The following GRHL1 variants were observed in gnomAD, a reference collection of about 807,000 sequenced individuals.
GRHL1 encodes the protein grainyhead like transcription factor 1.
In GRHL1, 38 loss-of-function variants were observed where a neutral mutation model predicts 75.7. The observed-to-expected ratio is 0.50, with a 90% CI of 0.39 to 0.66. The LOEUF (loss-of-function observed/expected upper bound fraction) is 0.66. Among genes scored for constraint, GRHL1 ranks in the 30% least tolerant of loss-of-function variants. The probability of loss-of-function intolerance (pLI) is 0.00; values close to 1 mark genes in which losing one functional copy is unlikely to be tolerated. For missense variants in GRHL1, 589 were observed against 767.5 expected, an observed-to-expected ratio of 0.77 and a Z score of 2.75; for synonymous variants, 266 against 279.4, an observed-to-expected ratio of 0.95 and a Z score of 0.48.
intron 15 of GRHL1, 38 bp downstream of exon 15, chr2:9,999,067 C>A: frequency 8.9e-7 from 1 of 1,129,524 alleles, no homozygotes; most frequent in Non-Finnish European, 1.3e-6. Context: ...TCGGAAAGTG[C>A]TGATGCCCCC....
At chr2:9,979,401 A>G (rs1480115546) in intron 8 of GRHL1, among the ~76,000 whole-genome samples, 1 of 151,774 alleles carries the variant, frequency 6.6e-6, no homozygotes, top group African/African-American at 2.4e-5. Flanking sequence ...TGCCCAGCTA[A>G]TTTATTTTAT....
chr2:9,981,112 G>A (rs971198050), intron 8 of GRHL1, among the ~76,000 whole-genome samples: 10 of 152,208 alleles, frequency 6.6e-5, no homozygotes, highest in Non-Finnish European at 1.3e-4. Flanking sequence ...GCTCTGGCTT[G>A]TGTTTCTACA....
At chr2:9,997,670 A>G (rs796363409) in intron 14 of GRHL1, among the ~76,000 whole-genome samples, 21 of 152,012 alleles carry the variant, frequency 1.4e-4, no homozygotes, top group African/African-American at 4.1e-4. Context: ...AAAAATACAA[A>G]AAATTAGCCA....
chr2:9,975,604 G>A (rs576946575), intron 8 of GRHL1, among the ~76,000 whole-genome samples: 99 of 152,238 alleles, frequency 6.5e-4, no homozygotes, highest in African/African-American at 2.2e-3. Flanking sequence ...CAGGCCGGGC[G>A]CGGTGGCTCT....
rs1487647745 is a variant in GRHL1 at position 9,992,334 on chromosome 2, C to A, written c.1461+188C>A. 6.6e-6 allele frequency among the ~76,000 whole-genome samples: 1 copy of A among 152,210 alleles called. No homozygotes were observed. The highest frequency in any genetic ancestry group is 1.5e-5 in the Non-Finnish European group (1 of 68,034). On this transcript the variant is annotated intron_variant, in intron 11 of 15. Transcript: ENST00000324907. The surrounding 1 kb of genome is among the most constrained non-coding windows in gnomAD (Gnocchi z 4.6). ...TAAAAATGGTAAGCATCGCTGATTT[C>A]AAGGTGCAGTGCAGCCTGTCAGCTT...
intron 5 of GRHL1, among the ~76,000 whole-genome samples, chr2:9,962,745 G>C (rs1043008953): frequency 5.9e-5 from 9 of 151,934 alleles, no homozygotes; most frequent in Admixed American, 5.2e-4. Context: ...TCTTGGTGTT[G>C]GTGCTTTTTC....
intron 8 of GRHL1, among the ~76,000 whole-genome samples, chr2:9,972,192 C>CTT: frequency 7.4e-6 from 1 of 134,746 alleles, no homozygotes; most frequent in African/African-American, 2.7e-5. Flanking sequence ...ATTCCTTTTT[C>CTT]TTTTTTTTTT....
chr2:10,000,898 T>C lies in GRHL1; in HGVS notation c.*191T>C. 2.2e-6 allele frequency: 1 copy of C among 447,698 alleles called. No homozygotes were observed. The highest frequency in any genetic ancestry group is 3.4e-5 in the East Asian group (1 of 29,164). The allele number at this position is 447,698 out of a possible 1,614,324, so 27.7% of individuals were successfully genotyped here. ...GCATTTAATCTATTGCATTGGTGTT[T>C]TTCAGATGAAAGAGAAATCCATATA... On this transcript the variant is annotated 3_prime_UTR_variant, in exon 16 of 16. Transcript: ENST00000324907.
Position 9,974,094 on chromosome 2 carries a change from G to A in GRHL1, c.1110+8713G>A, listed in dbSNP as rs137940531. Among the ~76,000 whole-genome samples the A allele has an allele frequency of 7.3e-3, 1,110 of 152,286 alleles. 6 individuals carry two copies. The highest frequency in any genetic ancestry group is 0.025 in the African/African-American group (1,022 of 41,556). ...AAGGTGCTTCTCTGGCTCTCTATCC[G>A]TCACTGTGGCAGTGTGGTTTTGAGA... On this transcript the variant is annotated intron_variant, in intron 8 of 15. Transcript: ENST00000324907.
At chr2:9,952,526 C>T (rs1439522516) in intron 1 of GRHL1, among the ~76,000 whole-genome samples, 3 of 152,196 alleles carry the variant, frequency 2.0e-5, no homozygotes, top group East Asian at 1.9e-4. Context: ...CTTTGAAATC[C>T]GGGTGTTAAA....
At chr2:9,952,069 C>T (rs1666805728) in intron 1 of GRHL1, among the ~76,000 whole-genome samples, 3 of 151,148 alleles carry the variant, frequency 2.0e-5, no homozygotes, top group South Asian at 4.2e-4. Context: ...AGACCCTGTC[C>T]TCGGGGAAAC....
At position 9,992,113 on chromosome 2, in the gene GRHL1, C is replaced by G; in HGVS notation, c.1428C>G (p.Asp476Glu). ...LDTQPVLFIPDVHFANLQRGT... is the reference protein window; with the variant it reads ...LDTQPVLFIPEVHFANLQRGT... ...CTCAGCCTGTCCTCTTCATTCCTGA[C>G]GTGCACTTTGCCAACTTGCAGCGGG... The change falls in exon 11 of 16, where the codon GAC becomes GAG. Residue 476 changes from aspartate to glutamate, a missense_variant. Physicochemically the swap from Asp to Glu is conservative, Grantham distance 45 (BLOSUM62 2). Coordinates refer to ENST00000324907, the MANE Select transcript of GRHL1 (RefSeq NM_198182.3). The surrounding 1 kb of genome is among the most constrained non-coding windows in gnomAD (Gnocchi z 4.6). 1 of 1,613,508 alleles carries G rather than the reference C, an allele frequency of 6.2e-7. No individual in the cohort carries two copies. Among genetic ancestry groups the G allele is most frequent in the East Asian group, 2.2e-5 (1 of 44,884 alleles).
chr2:9,991,728 C>T (rs1668650671), intron 10 of GRHL1, among the ~76,000 whole-genome samples: 1 of 152,202 alleles, frequency 6.6e-6, no homozygotes, highest in South Asian at 2.1e-4. Context: ...TACGCTCTGC[C>T]TCTGTCGCAA....
chr2:9,998,448 G>GTGTGTGTGTGTT (rs1553306800), intron 14 of GRHL1, among the ~76,000 whole-genome samples: 9 of 71,154 alleles, frequency 1.3e-4, no homozygotes, highest in South Asian at 3.8e-4. Context: ...GTGTGTGTGT[G>GTGTGTGTGTGTT]TATATATATA....
Position 9,990,568 on chromosome 2 carries a change from T to A in GRHL1, c.1270-128T>A. On this transcript the variant is annotated intron_variant, in intron 9 of 15. Transcript: ENST00000324907. This position sits in a 1 kb window ranked among gnomAD's most constrained non-coding sequence, Gnocchi z 4.2. The stretch of plus-strand genomic sequence containing the variant: ...ACTACTATGATAAGCCTCATGAATA[T>A]AGTAAGTAATGGGGTTCCTGTCCAG... The A allele has an allele frequency of 2.1e-6, 1 of 485,780 alleles. No individual in the cohort carries two copies. Among genetic ancestry groups the A allele is most frequent in the Non-Finnish European group, 3.8e-6 (1 of 265,460 alleles). 30.1% of individuals were successfully genotyped at this position (485,780 alleles called of 1,614,324 possible).
At chr2:9,988,586 T>C (rs750119607) in intron 9 of GRHL1, among the ~76,000 whole-genome samples, 1 of 152,140 alleles carries the variant, frequency 6.6e-6, no homozygotes, top group Non-Finnish European at 1.5e-5. Flanking sequence ...TACTTTGTCC[T>C]GCTGCCTTGG....
At chr2:9,993,832 G>T (rs1323816068) in intron 12 of GRHL1, among the ~76,000 whole-genome samples, 1 of 152,240 alleles carries the variant, frequency 6.6e-6, no homozygotes, top group African/African-American at 2.4e-5. Context: ...TCCTTTTATA[G>T]TAAGTGTTGT....
rs1221708438 is a variant in GRHL1 at position 9,990,420 on chromosome 2, G to C, written c.1270-276G>C. 6.6e-6 allele frequency among the ~76,000 whole-genome samples: 1 copy of C among 152,030 alleles called. No homozygotes were observed. The highest frequency in any genetic ancestry group is 1.5e-5 in the Non-Finnish European group (1 of 68,010). Reference sequence around the variant, plus strand: ...CCCACCTCGGCCTCCCAAAGTGCTGGGATTACAGGCATGAGCTACCGCTTC... The same window carrying C: ...CCCACCTCGGCCTCCCAAAGTGCTGCGATTACAGGCATGAGCTACCGCTTC... On this transcript the variant is annotated intron_variant, in intron 9 of 15. Transcript: ENST00000324907. The surrounding 1 kb of genome is among the most constrained non-coding windows in gnomAD (Gnocchi z 4.2).
intron 1 of GRHL1, among the ~76,000 whole-genome samples, chr2:9,954,699 T>C (rs971802045): frequency 6.6e-6 from 1 of 152,222 alleles, no homozygotes; most frequent in African/African-American, 2.4e-5. Flanking sequence ...GTAGGTGAAC[T>C]GCCAGTTCTC....
Sources: allele counts gnomAD v4.1 joint callset (sites outside exome capture counted in the v4.1 genomes callset), GRCh38; gene constraint gnomAD v4.1.1; non-coding constraint Gnocchi (gnomAD v3.1); transcripts MANE v1.5; gene names NCBI Gene and HGNC (gene_info 2026-07-23, HGNC 2026-07-21).